Variants in PSMD9 observed in about 807,000 individuals in gnomAD.
PSMD9 encodes the protein 26S proteasome non-ATPase regulatory subunit 9.
Under a neutral mutation model 25.9 loss-of-function variants are expected in PSMD9, and 26 were observed. That is an observed-to-expected ratio of 1.00 (90% CI 0.73 to 1.39). PSMD9 has a LOEUF of 1.39. Ranked by LOEUF, PSMD9 falls within the 40% of genes most tolerant of loss-of-function variation. PSMD9 has a pLI of 0.00. For synonymous variants in PSMD9, 110 were observed against 114.5 expected, an observed-to-expected ratio of 0.96 and a Z score of 0.25; for missense variants, 303 against 299.3, an observed-to-expected ratio of 1.01 and a Z score of -0.09.
At chr12:121,914,197 A>C (rs1879824225) in intron 4 of PSMD9, 1 of 151,778 alleles carries the variant, frequency 6.6e-6, no homozygotes, top group African/African-American at 2.4e-5. Flanking sequence ...ATCGTATTTT[A>C]ATTTGTAATT....
In PSMD9 at chr12:121,899,665, G is replaced by A. The variant is rs1879330741; in HGVS notation, c.273G>A (p.Lys91=). The A allele has an allele frequency of 1.2e-6, 2 of 1,612,154 alleles. No individual in the cohort carries two copies. Among genetic ancestry groups the A allele is most frequent in the Non-Finnish European group, 1.7e-6 (2 of 1,179,200 alleles). The change falls in exon 3 of 6, where the codon AAG becomes AAA. Residue 91 remains lysine, a synonymous_variant. Transcript: ENST00000541212. ...CLQNDHKAVM[K]QVEEALHQLH... ...AGAATGATCACAAGGCAGTGATGAAGCAGGTGGAGGAGGCCCTGCACCAGC... is the reference window on the plus strand; with the variant it reads ...AGAATGATCACAAGGCAGTGATGAAACAGGTGGAGGAGGCCCTGCACCAGC...
intron 3 of PSMD9, among the ~76,000 whole-genome samples, chr12:121,900,985 TAAAAAAAAAAAAA>T (rs749082407): frequency 1.1e-5 from 1 of 89,482 alleles, no homozygotes; most frequent in African/African-American, 4.3e-5. Context: ...AGACTCTGTC[TAAAAAAAAAAAAA>T]AAAAAAAAAG....
chr12:121,908,822 G>A (rs1879634445), intron 4 of PSMD9, among the ~76,000 whole-genome samples: 2 of 152,070 alleles, frequency 1.3e-5, no homozygotes, highest in South Asian at 2.1e-4. Flanking sequence ...AGGGAGAAAA[G>A]CCTTCAAAGC....
intron 3 of PSMD9, among the ~76,000 whole-genome samples, chr12:121,900,608 A>C (rs11615980): frequency 0.45 from 67,718 of 149,246 alleles, 15,924 homozygotes; most frequent in Middle Eastern, 0.5. Flanking sequence ...AAAAAAATTT[A>C]CCCATTTAAA....
At chr12:121,892,663 T>C (rs1313277790) in intron 1 of PSMD9, among the ~76,000 whole-genome samples, 1 of 151,992 alleles carries the variant, frequency 6.6e-6, no homozygotes, top group Non-Finnish European at 1.5e-5. Context: ...ATCTCGCCAC[T>C]GTACTCTAGC....
chr12:121,908,111 T>C (rs1439009040), intron 4 of PSMD9: 1 of 152,162 alleles, frequency 6.6e-6, no homozygotes, highest in Non-Finnish European at 1.5e-5. Context: ...CCTAGTGTTA[T>C]AGCTCTAAGA....
intron 1 of PSMD9, 113 bp from the exon 2 acceptor site, chr12:121,894,626 C>T: frequency 1.2e-6 from 1 of 845,122 alleles, no homozygotes; most frequent in Non-Finnish European, 1.9e-6. Context: ...CAGTATGTGG[C>T]AGTTTTCATT....
At chr12:121,890,209 G>T (rs1380671725) in intron 1 of PSMD9, among the ~76,000 whole-genome samples, 1 of 152,102 alleles carries the variant, frequency 6.6e-6, no homozygotes, top group Non-Finnish European at 1.5e-5. Flanking sequence ...GAGCCACCGC[G>T]TCCGGCCATA....
At chr12:121,891,270 T>G (rs757454621) in intron 1 of PSMD9, among the ~76,000 whole-genome samples, 1 of 135,394 alleles carries the variant, frequency 7.4e-6, no homozygotes, top group Non-Finnish European at 1.5e-5. Context: ...CACTCTCTTG[T>G]GGGTGACAGA....
intron 4 of PSMD9, among the ~76,000 whole-genome samples, chr12:121,905,952 A>G (rs1328106609): frequency 2.0e-5 from 3 of 151,956 alleles, no homozygotes; most frequent in Non-Finnish European, 2.9e-5. Context: ...CTCACCGTCA[A>G]CTTCCAGAAT....
chr12:121,912,034 TTTATTTATTTA>T (rs1424175754), intron 4 of PSMD9, among the ~76,000 whole-genome samples: 35 of 149,520 alleles, frequency 2.3e-4, no homozygotes, highest in African/African-American at 8.6e-4. Flanking sequence ...TATTTATTTA[TTTATTTATTTA>T]TTTATTTATT....
intron 5 of PSMD9, 46 bp downstream of exon 5, chr12:121,915,990 T>TG: frequency 6.4e-7 from 1 of 1,571,962 alleles, no homozygotes; most frequent in Non-Finnish European, 8.7e-7. Context: ...ATCATTTGAG[T>TG]GTTTGTTAAA....
At chr12:121,892,687 C>T (rs962799571) in intron 1 of PSMD9, among the ~76,000 whole-genome samples, 1 of 151,374 alleles carries the variant, frequency 6.6e-6, no homozygotes, top group Non-Finnish European at 1.5e-5. Context: ...GGCAACAGAG[C>T]GAGACTCTGT....
intron 4 of PSMD9, 190 bp from the exon 5 acceptor site, chr12:121,915,666 A>G: frequency 1.7e-6 from 1 of 578,854 alleles, no homozygotes; most frequent in Non-Finnish European, 3.1e-6. Flanking sequence ...GGAAGATGGT[A>G]CTGAGGTCAG....
At chr12:121,902,765 A>G in intron 3 of PSMD9, 2 of 451,318 alleles carry the variant, frequency 4.4e-6, no homozygotes, top group East Asian at 8.5e-5. Context: ...GCTCTCAGAC[A>G]TTGGGCAGAC....
chr12:121,911,784 C>T (rs950226794), intron 4 of PSMD9, among the ~76,000 whole-genome samples: 31 of 151,320 alleles, frequency 2.0e-4, no homozygotes, highest in African/African-American at 7.5e-4. Context: ...TCCTGAGTAG[C>T]TGGGATTACA....
intron 1 of PSMD9, among the ~76,000 whole-genome samples, chr12:121,890,070 A>G (rs2137672586): frequency 6.6e-6 from 1 of 152,256 alleles, no homozygotes; most frequent in Admixed American, 6.5e-5. Context: ...GGCGAGCGCC[A>G]GTACGCCAGG....
Position 121,894,735 on chromosome 12 carries a change from C to G in PSMD9, c.139-4C>G. The G allele has an allele frequency of 1.2e-6, 2 of 1,613,794 alleles. No homozygotes were observed. The highest frequency in any genetic ancestry group is 1.6e-4 in the Middle Eastern group (1 of 6,062). On this transcript the variant is annotated splice_polypyrimidine_tract_variant and splice_region_variant and intron_variant, in intron 1 of 5. Coordinates refer to ENST00000541212, the MANE Select transcript of PSMD9 (RefSeq NM_002813.7). ...CACCTTTTAACCACGTTTCTTTCCT[C>G]CAGCAAAAAGGCATTGGGATGAACG...
chr12:121,896,737 G>A (rs1410876551), intron 2 of PSMD9, among the ~76,000 whole-genome samples: 1 of 151,170 alleles, frequency 6.6e-6, no homozygotes, highest in Non-Finnish European at 1.5e-5. Context: ...TCAGGAGGTT[G>A]AGGCAGGAGA....
Sources: allele counts gnomAD v4.1 joint callset (sites outside exome capture counted in the v4.1 genomes callset), GRCh38; gene constraint gnomAD v4.1.1; transcripts MANE v1.5; gene names NCBI Gene and HGNC (gene_info 2026-07-23, HGNC 2026-07-21).